The following RSPH6A variants were observed in gnomAD, a reference collection of about 807,000 sequenced individuals.
RSPH6A encodes the protein radial spoke head 6 homolog A, also known as radial spoke head protein 6 homolog A.
Under a neutral mutation model 66.1 loss-of-function variants are expected in RSPH6A, and 49 were observed. The observed-to-expected ratio is 0.74, with a 90% CI of 0.59 to 0.94. RSPH6A has a LOEUF of 0.94. Ranked by LOEUF, RSPH6A falls within the 40% of genes least tolerant of loss-of-function variation. RSPH6A has a pLI of 0.00. For synonymous variants in RSPH6A, 419 were observed against 402.4 expected (o/e 1.04, Z -0.49); for missense variants, 977 against 948.3 (o/e 1.03, Z -0.40).
chr19:45,797,175 G>A (rs1970417255), intron 5 of RSPH6A, among the ~76,000 whole-genome samples: 1 of 151,898 alleles, frequency 6.6e-6, no homozygotes, highest in Non-Finnish European at 1.5e-5. Flanking sequence ...AGGAGATCGA[G>A]ACCAGCCTAG....
chr19:45,796,119 T>G lies in RSPH6A; in HGVS notation c.1917-13A>C. 6.6e-7 allele frequency: 1 copy of G among 1,521,066 alleles called. No individual in the cohort carries two copies. The highest frequency in any genetic ancestry group is 8.8e-7 in the Non-Finnish European group (1 of 1,131,840). The allele number at this position is 1,521,066 out of a possible 1,614,324, so 94.2% of individuals were successfully genotyped here. On this transcript the variant is annotated splice_polypyrimidine_tract_variant and intron_variant, in intron 5 of 5. Coordinates refer to ENST00000221538, the MANE Select transcript of RSPH6A (RefSeq NM_030785.4). ...GTTCTCAAACTTTCTGGAGAAGCAGTGAGACACTGTGAAATTCTCCCTCAA... is the reference window on the plus strand; with the variant it reads ...GTTCTCAAACTTTCTGGAGAAGCAGGGAGACACTGTGAAATTCTCCCTCAA...
rs1970611438 is a variant in RSPH6A at position 45,810,612 on chromosome 19, C to G, written c.879G>C (p.Glu293Asp). 1.9e-6 allele frequency: 3 copies of G among 1,614,066 alleles called. No homozygotes were observed. Among genetic ancestry groups the G allele is most frequent in the Non-Finnish European group, 1.7e-6 (2 of 1,179,942 alleles). The part of the protein sequence containing the change: ...GGGTEGEQEM[E>D]EEVGETPVPN... Reference sequence around the variant, plus strand: ...TGACTGGCTCACTCACCACCTCCTCCTCCATCTCCTGTTCGCCTTCAGTGC... The same window carrying G: ...TGACTGGCTCACTCACCACCTCCTCGTCCATCTCCTGTTCGCCTTCAGTGC... Residue 293 changes from glutamate (E) to aspartate (D), a missense_variant, in exon 2 of 6, where the codon GAG becomes GAC. Glu to Asp is a conservative substitution (Grantham distance 45). Transcript: ENST00000221538.
chr19:45,808,375 T>C (rs55972817), intron 2 of RSPH6A, among the ~76,000 whole-genome samples: 132,070 of 151,346 alleles, frequency 0.87, 57,847 homozygotes, highest in African/African-American at 0.95. Context: ...TGCAGTGAGC[T>C]GAGATCGTGC....
chr19:45,807,113 C>T (rs1310362737), intron 2 of RSPH6A, among the ~76,000 whole-genome samples: 2 of 151,384 alleles, frequency 1.3e-5, no homozygotes, highest in Non-Finnish European at 2.9e-5. Flanking sequence ...AGGCTGGTCT[C>T]GAACTCCTGA....
intron 5 of RSPH6A, among the ~76,000 whole-genome samples, chr19:45,797,263 C>T (rs549135875): frequency 6.6e-6 from 1 of 151,264 alleles, no homozygotes; most frequent in East Asian, 2.0e-4. Flanking sequence ...GCCTGTAGTC[C>T]CAGCTGCTGG....
intron 3 of RSPH6A, among the ~76,000 whole-genome samples, chr19:45,802,503 ATTTTTT>A (rs61325479): frequency 7.7e-6 from 1 of 129,292 alleles, no homozygotes; most frequent in Admixed American, 8.0e-5. Flanking sequence ...CACTCATTGA[ATTTTTT>A]TTTTTTTTTT....
In RSPH6A at chr19:45,810,701, C is replaced by T. The variant is rs753333719; in HGVS notation, c.790G>A (p.Glu264Lys). 2.2e-5 allele frequency: 35 copies of T among 1,614,040 alleles called. No individual in the cohort carries two copies. Among genetic ancestry groups the T allele is most frequent in the African/African-American group, 6.7e-5 (5 of 74,918 alleles). ...GCCATCTTGTAGGTGGGCTGCATCT[C>T]GGGGTCGTCCCGCAGCGTGTCCAGC... The part of the protein sequence containing the change: ...PKLDTLRDDP[E>K]MQPTYKMAEK... The change falls in exon 2 of 6, where the codon GAG becomes AAG. Residue 264 changes from glutamate to lysine, a missense_variant. Coordinates refer to ENST00000221538, the MANE Select transcript of RSPH6A (RefSeq NM_030785.4).
intron 4 of RSPH6A, among the ~76,000 whole-genome samples, chr19:45,801,684 C>T (rs150794268): frequency 1.1e-4 from 17 of 152,194 alleles, no homozygotes; most frequent in Non-Finnish European, 2.1e-4. Flanking sequence ...TGCAGGAACC[C>T]GAGAGGTTGA....
In RSPH6A at chr19:45,804,310, A is replaced by G. The variant is rs563015525; in HGVS notation, c.1595T>C (p.Leu532Pro). The G allele has an allele frequency of 6.8e-5, 110 of 1,614,162 alleles. No homozygotes were observed. In the South Asian group the frequency reaches 1.1e-3, roughly 17 times the overall value. The change falls in exon 3 of 6, where the codon CTG becomes CCG. Residue 532 changes from leucine (L) to proline (P), a missense_variant. By Grantham distance (98) the Leu-to-Pro change is moderately conservative. Transcript: ENST00000221538. The surrounding 1 kb of genome is among the most constrained non-coding windows in gnomAD (Gnocchi z 5.8). ...GTTGGCCATGGAGTCGACCAGCTCC[A>G]GCACGGGGATGCCCTCGAAGTCCGG... is the stretch of plus-strand genomic sequence containing the variant. ...ENPDFEGIPV[L>P]ELVDSMANWV...
At position 45,814,841 on chromosome 19, in the gene RSPH6A, G is replaced by A. The variant is rs147161032; in HGVS notation, c.336C>T (p.Ala112=). ...PYSDESRMQV[A]ELTTSLMLQR... ...GCAGCATTAGGCTGGTGGTGAGCTC[G>A]GCGACCTGCATCCTGCTTTCATCAG... The change falls in exon 1 of 6, where the codon GCC becomes GCT. Residue 112 remains alanine (A), a synonymous_variant. Transcript: ENST00000221538. The A allele has an allele frequency of 1.9e-5, 30 of 1,613,978 alleles. No individual in the cohort carries two copies. Among genetic ancestry groups the A allele is most frequent in the African/African-American group, 4.0e-5 (3 of 74,932 alleles).
At position 45,804,318 on chromosome 19, in the gene RSPH6A, G is replaced by A. The variant is rs1970510403; in HGVS notation, c.1587C>T (p.Ile529=). ...SYEENPDFEG[I]PVLELVDSMA... ...TGGAGTCGACCAGCTCCAGCACGGG[G>A]ATGCCCTCGAAGTCCGGGTTCTCCT... The change falls in exon 3 of 6, where the codon ATC becomes ATT. Residue 529 remains isoleucine, a synonymous_variant. Coordinates refer to ENST00000221538, the MANE Select transcript of RSPH6A (RefSeq NM_030785.4). This position sits in a 1 kb window ranked among gnomAD's most constrained non-coding sequence, Gnocchi z 5.8. 1 of 1,614,080 alleles carries A rather than the reference G, an allele frequency of 6.2e-7. No individual in the cohort carries two copies. The highest frequency in any genetic ancestry group is 1.3e-5 in the African/African-American group (1 of 74,952).
rs1970406215 is a variant in RSPH6A, at chr19:45,796,092, A to G, written c.1931T>C (p.Ile644Thr). ...GTACTTGTGACCCCAGCCGATGTAG[A>G]TGTTCTCAAACTTTCTGGAGAAGCA... ...AYASGKKFENIYIGWGHKYSP... is the reference protein window; with the variant it reads ...AYASGKKFENTYIGWGHKYSP... Residue 644 changes from isoleucine to threonine, a missense_variant, in exon 6 of 6, where the codon ATC becomes ACC. Ile to Thr is a moderately conservative substitution (Grantham distance 89). Coordinates refer to ENST00000221538, the MANE Select transcript of RSPH6A (RefSeq NM_030785.4). The G allele has an allele frequency of 1.3e-6, 2 of 1,566,038 alleles. No homozygotes were observed. Among genetic ancestry groups the G allele is most frequent in the Non-Finnish European group, 1.7e-6 (2 of 1,151,106 alleles).
chr19:45,804,589 G>C lies in RSPH6A; in HGVS notation c.1316C>G (p.Thr439Arg), dbSNP rs141830079. The change falls in exon 3 of 6, where the codon ACG becomes AGG. Residue 439 changes from threonine to arginine, a missense_variant. Physicochemically the swap from Thr to Arg is moderately conservative, Grantham distance 71. Transcript: ENST00000221538. This position sits in a 1 kb window ranked among gnomAD's most constrained non-coding sequence, Gnocchi z 5.8. ...GGCTGGAGTGACGTGGGGCAGCCGC[G>C]TCCATGGCAGGCCCGGCTCGTTGCA... ...FVCNEPGLPW[T>R]RLPHVTPAQI... The C allele has an allele frequency of 1.2e-6, 2 of 1,614,174 alleles. No homozygotes were observed. The highest frequency in any genetic ancestry group is 1.7e-6 in the Non-Finnish European group (2 of 1,180,036).
chr19:45,814,662 G>T lies in RSPH6A; in HGVS notation c.515C>A (p.Ala172Asp). The change falls in exon 1 of 6, where the codon GCC becomes GAC. Residue 172 changes from alanine to aspartate, a missense_variant. Physicochemically the swap from Ala to Asp is moderately radical, Grantham distance 126 (BLOSUM62 -2). Coordinates refer to ENST00000221538, the MANE Select transcript of RSPH6A (RefSeq NM_030785.4). ...CAGCTCAGAGGGCAAGAACTGAAGG[G>T]CAGGGTCATCCCTTATGTAAGGCCC... ...QHGPYIRDDP[A>D]LQFLPSELGF... The T allele has an allele frequency of 1.9e-6, 3 of 1,610,898 alleles. No homozygotes were observed. Among genetic ancestry groups the T allele is most frequent in the Non-Finnish European group, 2.5e-6 (3 of 1,178,306 alleles).
chr19:45,802,005 C>G, intron 4 of RSPH6A, 115 bp downstream of exon 4: 1 of 1,074,516 alleles, frequency 9.3e-7, no homozygotes, highest in South Asian at 3.6e-5. Flanking sequence ...GCTGAGAGAG[C>G]CTCTGAGCCT....
intron 3 of RSPH6A, 44 bp from the exon 4 acceptor site, chr19:45,802,308 ACCCAG>A (rs1970483973): frequency 1.5e-6 from 2 of 1,308,960 alleles, no homozygotes; most frequent in Middle Eastern, 2.1e-4. Flanking sequence ...AGTGCACGGA[ACCCAG>A]CCTGCCTCCT....
rs144552615 is a variant in RSPH6A, at chr19:45,804,334, G to A, written c.1571C>T (p.Pro524Leu). ...GAGRDSYEEN[P>L]DFEGIPVLEL... The stretch of plus-strand genomic sequence containing the variant: ...CAGCACGGGGATGCCCTCGAAGTCC[G>A]GGTTCTCCTCGTAGGAGTCGCGCCC... The change falls in exon 3 of 6, where the codon CCG (proline) becomes CTG (leucine). Residue 524 changes from proline to leucine, a missense_variant. Pro to Leu is a moderately conservative substitution (Grantham distance 98). Transcript: ENST00000221538. This position sits in a 1 kb window ranked among gnomAD's most constrained non-coding sequence, Gnocchi z 5.8. The A allele has an allele frequency of 7.4e-6, 12 of 1,614,058 alleles. No individual in the cohort carries two copies. The highest frequency in any genetic ancestry group is 1.6e-4 in the Middle Eastern group (1 of 6,084).
chr19:45,801,545 GAGGCC>G (rs1970474060), intron 4 of RSPH6A, among the ~76,000 whole-genome samples: 1 of 152,164 alleles, frequency 6.6e-6, no homozygotes, highest in South Asian at 2.1e-4. Context: ...TGGATCACTT[GAGGCC>G]AGGAGTTCGA....
At chr19:45,806,601 G>A (rs1287403595) in intron 2 of RSPH6A, among the ~76,000 whole-genome samples, 2 of 132,520 alleles carry the variant, frequency 1.5e-5, no homozygotes, top group East Asian at 5.2e-4. Context: ...AACCTGGGAG[G>A]TGGAGCTTGC....
Sources: gnomAD v4.1 joint callset for allele counts (sites outside exome capture counted in the v4.1 genomes callset) on GRCh38, gnomAD v4.1.1 for gene constraint, Gnocchi (gnomAD v3.1) non-coding constraint, MANE v1.5 for transcripts, NCBI Gene and HGNC (gene_info 2026-07-23, HGNC 2026-07-21) for gene names.